TCN1: variants seen among roughly 807,000 people sequenced by gnomAD.
TCN1 encodes transcobalamin-1.
A neutral mutation model predicts 46.3 loss-of-function variants in TCN1; 47 were observed. The ratio of observed to expected loss-of-function variants is 1.01; its 90% CI spans 0.80 to 1.29. The LOEUF (loss-of-function observed/expected upper bound fraction) is 1.29. TCN1 is among the 50% of genes most tolerant of loss of function. The pLI is 0.00. For synonymous variants in TCN1, 183 were observed against 192.5 expected, an observed-to-expected ratio of 0.95 and a Z score of 0.41; for missense variants, 532 against 511.0, an observed-to-expected ratio of 1.04 and a Z score of -0.40.
rs376377467 is a variant in TCN1 at position 59,864,067 on chromosome 11, G to A, written c.99C>T (p.Tyr33=). The A allele has an allele frequency of 1.1e-5, 17 of 1,613,838 alleles. No individual in the cohort carries two copies. In the African/African-American group the frequency reaches 1.6e-4, roughly 15 times the overall value. ...TATTCAACAGAGGTTTTAGGCGGAT[G>A]TAGTTTTCTTCACTTACCTCTGTGG... ...CEICEVSEEN[Y]IRLKPLLNTM... is the part of the protein sequence containing the mutation. Residue 33 remains tyrosine (Y), a synonymous_variant, in exon 2 of 9, where the codon TAC becomes TAT. Transcript: ENST00000257264.
At position 59,864,089 on chromosome 11, in the gene TCN1, G is replaced by C; in HGVS notation, c.80-3C>G. 1 of 1,613,626 alleles carries C rather than the reference G, an allele frequency of 6.2e-7. No homozygotes were observed. The highest frequency in any genetic ancestry group is 8.5e-7 in the Non-Finnish European group (1 of 1,179,590). Reference sequence around the variant, plus strand: ...GATGTAGTTTTCTTCACTTACCTCTGTGGCAGAGAAGGAAGGAAATAAGAA... The same window carrying C: ...GATGTAGTTTTCTTCACTTACCTCTCTGGCAGAGAAGGAAGGAAATAAGAA... On this transcript the variant is annotated splice_region_variant and splice_polypyrimidine_tract_variant and intron_variant, in intron 1 of 8. Transcript: ENST00000257264.
intron 5 of TCN1, among the ~76,000 whole-genome samples, chr11:59,856,715 G>T (rs1029399267): frequency 1.3e-5 from 2 of 152,148 alleles, no homozygotes; most frequent in African/African-American, 4.8e-5. Flanking sequence ...GGCAACTGTG[G>T]AAAAACAGGC....
intron 8 of TCN1, 77 bp from the exon 9 acceptor site, chr11:59,853,113 T>C: frequency 1.3e-6 from 2 of 1,598,766 alleles, no homozygotes; most frequent in Non-Finnish European, 8.6e-7. Flanking sequence ...TCATCTCTAC[T>C]AACCCCTTGG....
Position 59,866,386 on chromosome 11 carries a change from AC to A in TCN1, c.79+5del, listed in dbSNP as rs746599744. On this transcript the variant is annotated splice_donor_5th_base_variant and intron_variant, in intron 1 of 8. Coordinates refer to ENST00000257264, the MANE Select transcript of TCN1 (RefSeq NM_001062.4). ...CTAGAGTAATTTTAGCTCAAAGTTT[AC>A]TCACCACAAATCTCGCATAGTTGGC... 2 of 1,613,206 alleles carry A rather than the reference AC, an allele frequency of 1.2e-6. No individual in the cohort carries two copies. Among genetic ancestry groups the A allele is most frequent in the Non-Finnish European group, 1.7e-6 (2 of 1,179,314 alleles).
chr11:59,861,591 G>A lies in TCN1; in HGVS notation c.492C>T (p.Ala164=), dbSNP rs773804679. The A allele has an allele frequency of 1.9e-5, 31 of 1,613,972 alleles. No homozygotes were observed. The Admixed American group carries it at 2.3e-4, about 12-fold the overall frequency. Residue 164 remains alanine, a synonymous_variant, in exon 4 of 9, where the codon GCC becomes GCT. Coordinates refer to ENST00000257264, the MANE Select transcript of TCN1 (RefSeq NM_001062.4). ...CAGGAGTGAAGTGGTTGACAACTTC[G>A]GCGGTTGAGTAGTTCCCATTGAACA... is the stretch of plus-strand genomic sequence containing the variant. The part of the protein sequence containing the change: ...LCLFNGNYST[A]EVVNHFTPEN...
chr11:59,855,292 CA>C (rs1226864257), intron 6 of TCN1, among the ~76,000 whole-genome samples: 1 of 152,090 alleles, frequency 6.6e-6, no homozygotes, highest in Non-Finnish European at 1.5e-5. Context: ...TCCTTGTTCC[CA>C]ACTTTTACAT....
At chr11:59,860,216 G>A (rs1238979049) in intron 4 of TCN1, among the ~76,000 whole-genome samples, 1 of 152,048 alleles carries the variant, frequency 6.6e-6, no homozygotes, top group African/African-American at 2.4e-5. Context: ...TGCGAACTCT[G>A]CCTCCTGGGT....
At chr11:59,861,295 C>T (rs1032361332) in intron 4 of TCN1, among the ~76,000 whole-genome samples, 1 of 152,094 alleles carries the variant, frequency 6.6e-6, no homozygotes, top group African/African-American at 2.4e-5. Context: ...TTATATAACC[C>T]AAAGAAGAGC....
chr11:59,855,648 T>C (rs1226584453), intron 6 of TCN1, among the ~76,000 whole-genome samples: 1 of 152,192 alleles, frequency 6.6e-6, no homozygotes, highest in Admixed American at 6.5e-5. Context: ...AGGTCTGCCT[T>C]GTTAATGTTT....
intron 5 of TCN1, among the ~76,000 whole-genome samples, chr11:59,856,770 G>C (rs1380764187): frequency 6.6e-6 from 1 of 152,198 alleles, no homozygotes; most frequent in African/African-American, 2.4e-5. Flanking sequence ...TGAATTTTAT[G>C]ATGAGATGTC....
rs760938016 is a variant in TCN1 at position 59,861,680 on chromosome 11, C to T, written c.403G>A (p.Ala135Thr). ...TTAGTCAGGGGAGTGCCATTGTGTG[C>T]TTCTAGAAAAGAGAAGAAATACCTC... ...KFQAEIENMEAHNGTPLTNYY... is the reference protein window; with the variant it reads ...KFQAEIENMETHNGTPLTNYY... Residue 135 changes from alanine to threonine, a missense_variant and splice_region_variant, in exon 4 of 9, where the codon GCA (alanine) becomes ACA (threonine). Ala to Thr is a moderately conservative substitution (Grantham distance 58, BLOSUM62 0). Coordinates refer to ENST00000257264, the MANE Select transcript of TCN1 (RefSeq NM_001062.4). The T allele has an allele frequency of 3.7e-6, 6 of 1,614,066 alleles. No individual in the cohort carries two copies. Among genetic ancestry groups the T allele is most frequent in the Non-Finnish European group, 4.2e-6 (5 of 1,179,936 alleles).
Position 59,853,186 on chromosome 11 carries a change from G to T in TCN1, c.1240+17C>A. 6.2e-7 allele frequency: 1 copy of T among 1,613,310 alleles called. No individual in the cohort carries two copies. Among genetic ancestry groups the T allele is most frequent in the Non-Finnish European group, 8.5e-7 (1 of 1,179,394 alleles). On this transcript the variant is annotated intron_variant, in intron 8 of 8. Transcript: ENST00000257264. ...GGCATTTTTAGCATGGGTCTTTTTGGCATGTCTCTCCCTTACCTTGGCTCA... is the reference window on the plus strand; with the variant it reads ...GGCATTTTTAGCATGGGTCTTTTTGTCATGTCTCTCCCTTACCTTGGCTCA...
In TCN1 at chr11:59,855,874, G is replaced by A; in HGVS notation, c.932C>T (p.Ala311Val). ...GCTCTCTTTAATGCTTATACCTGAA[G>A]CAGAGACGCAAGAAGAGTCTTTGTT... ...DINKDSSCVS[A>V]SGNFNISADE... Residue 311 changes from alanine to valine, a missense_variant, in exon 6 of 9, where the codon GCT becomes GTT. Coordinates refer to ENST00000257264, the MANE Select transcript of TCN1 (RefSeq NM_001062.4). 1.2e-6 allele frequency: 2 copies of A among 1,613,782 alleles called. No homozygotes were observed. Among genetic ancestry groups the A allele is most frequent in the South Asian group, 1.1e-5 (1 of 91,072 alleles).
rs772868303 is a variant in TCN1, at chr11:59,866,422, A to G, written c.49T>C (p.Phe17Leu). ...LPLVGLLLFSFIPSQLCEICE... is the reference protein window; with the variant it reads ...LPLVGLLLFSLIPSQLCEICE... ...ATCTCGCATAGTTGGCTTGGAATAA[A>G]AGAAAACAGTAAGAGCCCCACTAGG... Residue 17 changes from phenylalanine to leucine, a missense_variant, in exon 1 of 9, where the codon TTT becomes CTT. By Grantham distance (22) the Phe-to-Leu change is conservative (BLOSUM62 0). Coordinates refer to ENST00000257264, the MANE Select transcript of TCN1 (RefSeq NM_001062.4). The G allele has an allele frequency of 2.3e-5, 37 of 1,613,464 alleles. No homozygotes were observed. Among genetic ancestry groups the G allele is most frequent in the Middle Eastern group, 1.6e-4 (1 of 6,078 alleles).
At chr11:59,858,970 C>T (rs1852984412) in intron 5 of TCN1, 107 bp downstream of exon 5, 1 of 1,335,138 alleles carries the variant, frequency 7.5e-7, no homozygotes, top group African/African-American at 1.4e-5. Context: ...ACCATTGCAA[C>T]TCCAGCCTGG....
At chr11:59,853,401 G>A (rs919474662) in intron 7 of TCN1, 80 bp from the exon 8 acceptor site, 55 of 1,215,828 alleles carry the variant, frequency 4.5e-5, no homozygotes, top group Non-Finnish European at 6.1e-5. Context: ...AAACTTTAAT[G>A]TACCTGAGAA....
At chr11:59,858,165 G>A (rs144420515) in intron 5 of TCN1, among the ~76,000 whole-genome samples, 9 of 152,042 alleles carry the variant, frequency 5.9e-5, no homozygotes, top group African/African-American at 1.9e-4. Flanking sequence ...AAGTAAATAC[G>A]GGTTACTTGA....
chr11:59,866,286 G>A, intron 1 of TCN1, 106 bp downstream of exon 1: 2 of 1,200,628 alleles, frequency 1.7e-6, no homozygotes, highest in Non-Finnish European at 2.5e-6. Context: ...AACCACATAC[G>A]AAACTGGAAT....
intron 5 of TCN1, among the ~76,000 whole-genome samples, chr11:59,858,038 A>G (rs1852965760): frequency 6.6e-6 from 1 of 152,190 alleles, no homozygotes; most frequent in Non-Finnish European, 1.5e-5. Context: ...CCACTCCTAT[A>G]ATAAAGTTCA....
Sources: gnomAD v4.1 joint callset for allele counts (sites outside exome capture counted in the v4.1 genomes callset) on GRCh38, gnomAD v4.1.1 for gene constraint, MANE v1.5 for transcripts, NCBI Gene and HGNC (gene_info 2026-07-23, HGNC 2026-07-21) for gene names.